The following C4orf50 variants were observed in gnomAD, a reference collection of about 807,000 sequenced individuals.
The protein encoded by C4orf50 is uncharacterized protein C4orf50.
C4orf50 carries 80 observed loss-of-function variants against 77.2 expected under a neutral mutation model. That is an observed-to-expected ratio of 1.04 (90% CI 0.87 to 1.25). The LOEUF (loss-of-function observed/expected upper bound fraction) is 1.25. Ranked by LOEUF, C4orf50 falls within the 50% of genes most tolerant of loss-of-function variation. C4orf50 has a pLI of 0.00. For missense variants in C4orf50, 1,257 were observed against 1,152.9 expected, an observed-to-expected ratio of 1.09 and a Z score of -1.31; for synonymous variants, 532 against 465.3, an observed-to-expected ratio of 1.14 and a Z score of -1.84.
chr4:5,962,001 G>A (rs1458699337), intron 33 of C4orf50, among the ~76,000 whole-genome samples: 4 of 152,180 alleles, frequency 2.6e-5, no homozygotes, highest in African/African-American at 9.7e-5. Flanking sequence ...CCAGATACAT[G>A]GCTTGCTGTC....
intron 7 of C4orf50, among the ~76,000 whole-genome samples, chr4:5,906,775 C>T (rs1394536603): frequency 6.6e-6 from 1 of 152,202 alleles, no homozygotes; most frequent in African/African-American, 2.4e-5. Context: ...CTTTAGTCTC[C>T]TTCTCAAAAT....
At chr4:5,980,291 C>T in exon 29 of C4orf50, 1 of 1,612,758 alleles carries the variant, frequency 6.2e-7, no homozygotes, top group Non-Finnish European at 8.5e-7. Context: ...GCTGCTGGGC[C>T]CGCAGCCTGG....
intron 7 of C4orf50, among the ~76,000 whole-genome samples, chr4:5,928,744 C>T (rs576612092): frequency 6.6e-6 from 1 of 152,328 alleles, no homozygotes; most frequent in South Asian, 2.1e-4. Flanking sequence ...AACAGGGGAA[C>T]CTCCAAATGA....
intron 28 of C4orf50, among the ~76,000 whole-genome samples, chr4:5,983,752 G>C (rs1720723880): frequency 2.0e-5 from 3 of 152,192 alleles, no homozygotes; most frequent in Admixed American, 6.5e-5. Flanking sequence ...TGAAAGTGTT[G>C]GTCCTGCTAG....
chr4:5,969,005 T>C (rs917244366), intron 31 of C4orf50, among the ~76,000 whole-genome samples: 4 of 152,158 alleles, frequency 2.6e-5, no homozygotes, highest in Non-Finnish European at 4.4e-5. Flanking sequence ...TGCCACTCAC[T>C]GATTCCATGA....
chr4:5,987,412 C>CAAAAAAAAA (rs58512584), intron 28 of C4orf50, among the ~76,000 whole-genome samples: 436 of 33,634 alleles, frequency 0.013, 84 homozygotes, highest in African/African-American at 0.026. Context: ...CTCTGTCTCA[C>CAAAAAAAAA]AAAAAAAAAA....
chr4:5,997,240 C>G (rs114934519), intron 25 of C4orf50, among the ~76,000 whole-genome samples: 2,031 of 152,310 alleles, frequency 0.013, 42 homozygotes, highest in African/African-American at 0.046. Context: ...TGTTATCATA[C>G]CCAGGCTGAC....
chr4:5,932,224 C>G lies in C4orf50; in HGVS notation c.*2474+24677G>C, dbSNP rs1717799118. Among the ~76,000 whole-genome samples, 2 of 151,998 alleles carry G rather than the reference C, an allele frequency of 1.3e-5. No individual in the cohort carries two copies. Among genetic ancestry groups the G allele is most frequent in the African/African-American group, 4.8e-5 (2 of 41,376 alleles). On this transcript the variant is annotated intron_variant, in intron 7 of 7. Transcript: ENST00000324058. The surrounding 1 kb of genome is among the most constrained non-coding windows in gnomAD (Gnocchi z 4.2). ...ACACAGTTCTTGGCTGAATGCCCCA[C>G]AGAGCAGAAGCGTGTCGCATTTCTA...
intron 29 of C4orf50, among the ~76,000 whole-genome samples, chr4:5,977,989 C>T (rs917167823): frequency 6.6e-6 from 1 of 152,158 alleles, no homozygotes; most frequent in Non-Finnish European, 1.5e-5. Context: ...AGTCAATTAA[C>T]CCTATTAGAA....
At position 6,018,174 on chromosome 4, in the gene C4orf50, G is replaced by A. The variant is rs577253146; in HGVS notation, c.258C>T (p.Tyr86=). ...TTCTCAGCCCGGACTCCGATGTCAC[G>A]TACTTGTCCTCTGCTGCTGACAGCT... Residue 86 remains tyrosine (Y), a synonymous_variant, in exon 23 of 34, where the codon TAC becomes TAT. Transcript: ENST00000531445. This position sits in a 1 kb window ranked among gnomAD's most constrained non-coding sequence, Gnocchi z 5.1. 2.8e-5 allele frequency: 11 copies of A among 398,878 alleles called. No homozygotes were observed. The South Asian group carries it at 1.3e-3, about 46-fold the overall frequency. 24.7% of individuals were successfully genotyped at this position (398,878 alleles called of 1,614,324 possible). A position where few individuals can be genotyped will look rare whatever the true frequency, so the allele number is the denominator to read the frequency against.
chr4:5,935,785 A>AAAAAAAAAAAG, intron 7 of C4orf50, among the ~76,000 whole-genome samples: 1 of 103,326 alleles, frequency 9.7e-6, no homozygotes, highest in Non-Finnish European at 1.8e-5. Context: ...GACTCCGTCT[A>AAAAAAAAAAAG]AAAAAAAAAA....
chr4:5,987,110 G>A (rs952482492), intron 28 of C4orf50, among the ~76,000 whole-genome samples: 1 of 152,008 alleles, frequency 6.6e-6, no homozygotes, highest in Non-Finnish European at 1.5e-5. Context: ...AAAAGAAAGT[G>A]GGAGAAAGAA....
chr4:5,976,766 C>T (rs1720311435), intron 29 of C4orf50, among the ~76,000 whole-genome samples: 1 of 152,238 alleles, frequency 6.6e-6, no homozygotes, highest in South Asian at 2.1e-4. Context: ...GTGCTTAGAA[C>T]AAGCCCTGGC....
At chr4:5,956,697 T>C (rs970916096), downstream of C4orf50, 1 of 152,292 alleles carries the variant, frequency 6.6e-6, no homozygotes, top group Admixed American at 6.5e-5. Context: ...GAGGGGTGCA[T>C]TTACCTCGCA....
rs557461281 is a variant in C4orf50 at position 6,015,065 on chromosome 4, AC to A, written c.287+3079del. 5.6e-4 allele frequency among the ~76,000 whole-genome samples: 85 copies of A among 151,996 alleles called. No homozygotes were observed. The highest frequency in any genetic ancestry group is 2.1e-3 in the Admixed American group (32 of 15,276). On this transcript the variant is annotated intron_variant, in intron 23 of 33. Coordinates refer to ENST00000531445, the Ensembl canonical transcript of C4orf50. This position sits in a 1 kb window ranked among gnomAD's most constrained non-coding sequence, Gnocchi z 4.4. ...CCTTTCTAGAAGATTTGAATGTACA[AC>A]CCTGTATGGGCCTACGCTGCTAGTC...
chr4:5,975,441 C>T (rs956974744), intron 30 of C4orf50, among the ~76,000 whole-genome samples: 2 of 152,112 alleles, frequency 1.3e-5, no homozygotes, highest in Non-Finnish European at 2.9e-5. Flanking sequence ...CATGGAAATG[C>T]CATGTGCAAG....
chr4:5,989,392 G>A (rs1200825657), exon 28 of C4orf50: 1 of 1,536,078 alleles, frequency 6.5e-7, no homozygotes, highest in Non-Finnish European at 8.7e-7. Context: ...GGTGCCCAGG[G>A]CCGTGGTCTT....
At chr4:5,983,496 C>A (rs1052732978) in intron 28 of C4orf50, among the ~76,000 whole-genome samples, 6 of 152,204 alleles carry the variant, frequency 3.9e-5, no homozygotes, top group African/African-American at 1.4e-4. Context: ...CTGCTCTTTT[C>A]TAACCTTCGA....
At position 5,988,285 on chromosome 4, in the gene C4orf50, T is replaced by A. The variant is rs1171687804; in HGVS notation, c.3699+62A>T. ...GACTCTGGTGAATTGCATAAGTGAA[T>A]GGGGTGGCCCCCGGAACAGAGTCAT... On this transcript the variant is annotated intron_variant, in intron 28 of 33. Coordinates refer to ENST00000531445, the Ensembl canonical transcript of C4orf50. The A allele has an allele frequency of 5.7e-6, 9 of 1,565,698 alleles. No homozygotes were observed. In the Admixed American group the frequency reaches 1.3e-4, roughly 22 times the overall value.
Sources: allele counts gnomAD v4.1 joint callset (sites outside exome capture counted in the v4.1 genomes callset), GRCh38; gene constraint gnomAD v4.1.1; non-coding constraint Gnocchi (gnomAD v3.1); transcripts MANE v1.5; gene names NCBI Gene and HGNC (gene_info 2026-07-23, HGNC 2026-07-21).